The following CDH4 variants were observed in gnomAD, a reference collection of about 807,000 sequenced individuals.
CDH4 encodes the protein cadherin 4, also known as cadherin-4.
A neutral mutation model predicts 86.0 loss-of-function variants in CDH4; 33 were observed. The observed-to-expected ratio is 0.38, with a 90% CI of 0.29 to 0.51. The LOEUF is 0.51. Among genes scored for constraint, CDH4 ranks in the 20% least tolerant of loss-of-function variants. The pLI is 0.86. For missense variants in CDH4, 1,114 were observed against 1,307.4 expected (o/e 0.85, Z 2.28); for synonymous variants, 555 against 549.4 (o/e 1.01, Z -0.14).
At chr20:61,268,492 GTCT>G (rs1479367034) in intron 2 of CDH4, among the ~76,000 whole-genome samples, 2 of 152,360 alleles carry the variant, frequency 1.3e-5, no homozygotes, top group African/African-American at 2.4e-5. Context: ...CTTTTCTCCT[GTCT>G]TCTTGTTTTC....
In CDH4 at chr20:61,582,988, G is replaced by A. The variant is rs1021888012; in HGVS notation, c.170-160575G>A. 4.0e-5 allele frequency among the ~76,000 whole-genome samples: 6 copies of A among 151,876 alleles called. No homozygotes were observed. Among genetic ancestry groups the A allele is most frequent in the African/African-American group, 9.7e-5 (4 of 41,322 alleles). ...CACTAATCTACTTTCTGTCTCTGTC[G>A]ACTTCCCTGTTCTGGGCACTGCGCA... On this transcript the variant is annotated intron_variant, in intron 2 of 15. Coordinates refer to ENST00000614565, the MANE Select transcript of CDH4 (RefSeq NM_001794.5). The surrounding 1 kb of genome is among the most constrained non-coding windows in gnomAD (Gnocchi z 4.2).
intron 2 of CDH4, among the ~76,000 whole-genome samples, chr20:61,725,096 A>C (rs2088094475): frequency 6.6e-6 from 1 of 152,214 alleles, no homozygotes; most frequent in Admixed American, 6.5e-5. Context: ...TGGGCGACAG[A>C]GTGAGACCCT....
intron 2 of CDH4, among the ~76,000 whole-genome samples, chr20:61,721,950 G>C (rs1394127799): frequency 2.0e-5 from 3 of 152,246 alleles, no homozygotes; most frequent in Non-Finnish European, 2.9e-5. Context: ...AATGGGGTGT[G>C]CTGGAGAGTG....
intron 2 of CDH4, among the ~76,000 whole-genome samples, chr20:61,730,960 G>A (rs1471022302): frequency 6.6e-6 from 1 of 152,134 alleles, no homozygotes; most frequent in Non-Finnish European, 1.5e-5. Flanking sequence ...CCACGTGGAA[G>A]GTAGCACCCC....
chr20:61,898,878 G>A (rs1985252445), intron 8 of CDH4, among the ~76,000 whole-genome samples: 1 of 152,240 alleles, frequency 6.6e-6, no homozygotes, highest in Admixed American at 6.5e-5. Flanking sequence ...ATGGAGCTGG[G>A]TGGCGAGCAG....
intron 2 of CDH4, among the ~76,000 whole-genome samples, chr20:61,619,469 T>C (rs2086752302): frequency 6.6e-6 from 1 of 152,052 alleles, no homozygotes; most frequent in Non-Finnish European, 1.5e-5. Flanking sequence ...AAAAGCAAAA[T>C]GATGATTAGA....
intron 2 of CDH4, among the ~76,000 whole-genome samples, chr20:61,502,746 T>C (rs998649286): frequency 6.6e-6 from 1 of 152,218 alleles, no homozygotes. Flanking sequence ...CGTTATTTTC[T>C]TTTTTGTTAC....
rs778080768 is a variant in CDH4, at chr20:61,852,807, C to T, written c.786C>T (p.Asp262=). The change falls in exon 6 of 16, where the codon GAC becomes GAT. Residue 262 remains aspartate (D), a synonymous_variant. Transcript: ENST00000614565. The part of the protein sequence containing the change: ...MNGNKVENPI[D]LYIYVIDMND... ...GCAACAAGGTGGAGAACCCCATCGACCTGTACATCTACGTCATCGACATGA... is the reference window on the plus strand; with the variant it reads ...GCAACAAGGTGGAGAACCCCATCGATCTGTACATCTACGTCATCGACATGA... 2.5e-6 allele frequency: 4 copies of T among 1,614,106 alleles called. No homozygotes were observed. The highest frequency in any genetic ancestry group is 2.2e-5 in the South Asian group (2 of 91,084).
intron 2 of CDH4, among the ~76,000 whole-genome samples, chr20:61,319,852 G>A (rs2084498551): frequency 6.6e-6 from 1 of 151,856 alleles, no homozygotes; most frequent in Non-Finnish European, 1.5e-5. Context: ...CTACTCAGGA[G>A]GTTGAGGCGG....
At chr20:61,772,573 G>T (rs1228137747) in intron 3 of CDH4, among the ~76,000 whole-genome samples, 1 of 152,100 alleles carries the variant, frequency 6.6e-6, no homozygotes, top group Non-Finnish European at 1.5e-5. Flanking sequence ...TCAAATTGTT[G>T]TAAATCATAT....
At chr20:61,304,841 C>T (rs186340810) in intron 2 of CDH4, among the ~76,000 whole-genome samples, 16 of 149,922 alleles carry the variant, frequency 1.1e-4, no homozygotes, top group African/African-American at 2.7e-4. Context: ...CTTTGTGTTG[C>T]GCATGCAGCA....
chr20:61,509,039 G>C (rs1195122930), intron 2 of CDH4, among the ~76,000 whole-genome samples: 4 of 152,156 alleles, frequency 2.6e-5, no homozygotes. Flanking sequence ...TTCTAAGCCG[G>C]TCTTTGGAGG....
At chr20:61,726,477 A>T (rs2088112513) in intron 2 of CDH4, among the ~76,000 whole-genome samples, 1 of 152,136 alleles carries the variant, frequency 6.6e-6, no homozygotes, top group African/African-American at 2.4e-5. Flanking sequence ...GTCCCAGCCT[A>T]AGGGCATTGT....
Position 61,385,766 on chromosome 20 carries a change from T to C in CDH4, c.169+130829T>C, listed in dbSNP as rs2084947512. Among the ~76,000 whole-genome samples the C allele has an allele frequency of 3.9e-5, 6 of 152,176 alleles. No individual in the cohort carries two copies. In the South Asian group the frequency reaches 1.2e-3, roughly 32 times the overall value. The stretch of plus-strand genomic sequence containing the variant: ...TCCACCAACGGGAATCACCATCTTC[T>C]CTTCGTGGGAGAAGCCGTACTCCCC... On this transcript the variant is annotated intron_variant, in intron 2 of 15. Coordinates refer to ENST00000614565, the MANE Select transcript of CDH4 (RefSeq NM_001794.5).
Position 61,869,799 on chromosome 20 carries a change from G to A in CDH4, c.878-3929G>A, listed in dbSNP as rs181700108. On this transcript the variant is annotated intron_variant, in intron 6 of 15. Transcript: ENST00000614565. ...CTTGGAGGAGGCAGCTTCGATTGGT[G>A]GGGGAGGACCTCCTGCCTGGCCTTC... 2.7e-3 allele frequency among the ~76,000 whole-genome samples: 416 copies of A among 152,352 alleles called. 3 individuals carry two copies. Among genetic ancestry groups the A allele is most frequent in the Non-Finnish European group, 1.0e-3 (70 of 68,022 alleles).
At chr20:61,767,421 C>T (rs567075879) in intron 3 of CDH4, among the ~76,000 whole-genome samples, 1 of 152,300 alleles carries the variant, frequency 6.6e-6, no homozygotes, top group South Asian at 2.1e-4. Flanking sequence ...TCCGGGGTGG[C>T]ACCAGAGCAG....
Position 61,319,458 on chromosome 20 carries a change from G to C in CDH4, c.169+64521G>C, listed in dbSNP as rs4560189. The stretch of plus-strand genomic sequence containing the variant: ...ACCTTGTGGGCTCATCAAGGCTTCC[G>C]TATCTTGGCTTTGCTGAATAATGCT... On this transcript the variant is annotated intron_variant, in intron 2 of 15. Transcript: ENST00000614565. Among the ~76,000 whole-genome samples, 1,200 of 152,210 alleles carry C rather than the reference G, an allele frequency of 7.9e-3. 9 individuals are homozygous for C. Among genetic ancestry groups the C allele is most frequent in the Middle Eastern group, 0.014 (4 of 292 alleles).
At chr20:61,474,353 T>C (rs2085523228) in intron 2 of CDH4, among the ~76,000 whole-genome samples, 1 of 150,482 alleles carries the variant, frequency 6.6e-6, no homozygotes, top group Admixed American at 6.6e-5. Context: ...TTTTGTATTT[T>C]TAGCAGAGAT....
intron 6 of CDH4, 82 bp from the exon 7 acceptor site, chr20:61,873,646 C>CG (rs1054957811): frequency 4.1e-6 from 6 of 1,447,288 alleles, no homozygotes; most frequent in Non-Finnish European, 5.7e-6. Context: ...GCTCTGTGGT[C>CG]GGGGGGCTCT....
Sources: allele counts gnomAD v4.1 joint callset (sites outside exome capture counted in the v4.1 genomes callset), GRCh38; gene constraint gnomAD v4.1.1; non-coding constraint Gnocchi (gnomAD v3.1); transcripts MANE v1.5; gene names NCBI Gene and HGNC (gene_info 2026-07-23, HGNC 2026-07-21).